The following OVCH1 variants were observed in gnomAD, a reference collection of about 807,000 sequenced individuals.
The protein encoded by OVCH1 is ovochymase 1, also known as ovochymase-1.
In OVCH1, 139 loss-of-function variants were observed where a neutral mutation model predicts 138.4. The ratio of observed to expected loss-of-function variants is 1.00; its 90% CI spans 0.87 to 1.16. The LOEUF is 1.16. Ranked by LOEUF, OVCH1 falls within the 50% of genes most tolerant of loss-of-function variation. The probability of loss-of-function intolerance (pLI) is 0.00; values close to 1 mark genes in which losing one functional copy is unlikely to be tolerated. For missense variants in OVCH1, 1,367 were observed against 1,357.9 expected (o/e 1.01, Z -0.11); for synonymous variants, 453 against 467.8 (o/e 0.97, Z 0.41).
Position 29,439,114 on chromosome 12 carries a change from T to C in OVCH1, c.3264+214A>G, listed in dbSNP as rs564121010. Among the ~76,000 whole-genome samples, 5 of 152,352 alleles carry C rather than the reference T, an allele frequency of 3.3e-5. No individual in the cohort carries two copies. In the South Asian group the frequency reaches 8.3e-4, roughly 25 times the overall value. ...GCCCAGAGATGGCACCAGAAGAATC[T>C]ACATAACAAATCTTTCTAAAGTAAC... On this transcript the variant is annotated intron_variant, in intron 26 of 27. Transcript: ENST00000318184.
intron 5 of OVCH1, among the ~76,000 whole-genome samples, chr12:29,489,977 T>G (rs1277555005): frequency 6.6e-6 from 1 of 152,198 alleles, no homozygotes; most frequent in East Asian, 1.9e-4. Flanking sequence ...TAAGGTAACA[T>G]AGGCAATTGT....
At chr12:29,494,121 G>A (rs544846519) in intron 4 of OVCH1, among the ~76,000 whole-genome samples, 2 of 152,130 alleles carry the variant, frequency 1.3e-5, no homozygotes, top group Non-Finnish European at 2.9e-5. Flanking sequence ...AGACAAGTAA[G>A]TGTCCTTATT....
chr12:29,452,918 C>A (rs572910520), intron 21 of OVCH1, among the ~76,000 whole-genome samples: 1 of 152,276 alleles, frequency 6.6e-6, no homozygotes, highest in Non-Finnish European at 1.5e-5. Context: ...ATAAAACTTT[C>A]AAAGTTTTTG....
Position 29,477,347 on chromosome 12 carries a change from C to A in OVCH1, c.1240G>T (p.Glu414Ter). The A allele has an allele frequency of 6.2e-7, 1 of 1,613,986 alleles. No homozygotes were observed. Among genetic ancestry groups the A allele is most frequent in the Non-Finnish European group, 8.5e-7 (1 of 1,179,870 alleles). ...AAATACCTGAAACACTCACCTGCTT[C>A]TGACTTCTGTACAGCAGTAACGGTA... is the stretch of plus-strand genomic sequence containing the variant. Residue 414 changes from glutamate (E) to a stop codon, truncating the protein, a stop_gained, in exon 11 of 28, where the codon GAA (glutamate) becomes TAA (stop). Transcript: ENST00000318184. LOFTEE classifies it high-confidence loss of function.
downstream of OVCH1, among the ~76,000 whole-genome samples, chr12:29,412,290 T>TCGCG (rs1940970060): frequency 6.6e-6 from 1 of 152,200 alleles, no homozygotes; most frequent in Non-Finnish European, 1.5e-5. Context: ...CTGCTTCGGC[T>TCGCG]CACGCACGGT....
intron 8 of OVCH1, among the ~76,000 whole-genome samples, chr12:29,485,618 CA>C: frequency 6.6e-6 from 1 of 151,858 alleles, no homozygotes; most frequent in East Asian, 1.9e-4. Context: ...ACTAAAAATG[CA>C]AAAAATTAGC....
intron 16 of OVCH1, among the ~76,000 whole-genome samples, chr12:29,470,405 T>C (rs1355426505): frequency 2.0e-5 from 3 of 152,104 alleles, no homozygotes; most frequent in African/African-American, 7.2e-5. Context: ...CCTGTGTTTT[T>C]CCCCTCCCTG....
At chr12:29,431,132 C>G (rs1398412603) in intron 27 of OVCH1, among the ~76,000 whole-genome samples, 1 of 152,074 alleles carries the variant, frequency 6.6e-6, no homozygotes, top group Non-Finnish European at 1.5e-5. Context: ...AAAATAGAGT[C>G]CAAAGGAGGA....
chr12:29,407,914 A>T (rs10843412), downstream of OVCH1, among the ~76,000 whole-genome samples: 40,898 of 142,590 alleles, frequency 0.29, 7,182 homozygotes, highest in Middle Eastern at 0.5. Flanking sequence ...GCCATTTTCA[A>T]GATATTGATT....
At chr12:29,444,233 CTCTGTTTGAACTTTGGGAAAG>C in exon 24 of OVCH1, 5 of 1,612,402 alleles carry the variant, frequency 3.1e-6, no homozygotes, top group Non-Finnish European at 4.2e-6. Flanking sequence ...ACCAAGTGCT[CTCTGTTTGAACTTTGGGAAAG>C]TCTGGTTATT....
At chr12:29,451,070 A>G (rs1229041094) in intron 22 of OVCH1, among the ~76,000 whole-genome samples, 1 of 152,068 alleles carries the variant, frequency 6.6e-6, no homozygotes, top group African/African-American at 2.4e-5. Context: ...AATGTAGATG[A>G]CAGGCTTATA....
chr12:29,496,471 A>G (rs1033237747), intron 2 of OVCH1, 85 bp downstream of exon 2: 4 of 1,299,930 alleles, frequency 3.1e-6, no homozygotes, highest in Non-Finnish European at 3.2e-6. Context: ...GAAAAACTAC[A>G]TATCAACGTG....
intron 20 of OVCH1, 116 bp from the exon 21 acceptor site, chr12:29,455,049 G>A: frequency 1.7e-6 from 2 of 1,159,908 alleles, no homozygotes; most frequent in African/African-American, 3.1e-5. Flanking sequence ...CAGGATTAAA[G>A]CAGCCTAAGG....
Position 29,465,236 on chromosome 12 carries a change from A to G in OVCH1, c.1857-17T>C. On this transcript the variant is annotated splice_polypyrimidine_tract_variant and intron_variant, in intron 16 of 27. Transcript: ENST00000318184. ...TTATTCTTCCTGGAGACAGAAGAAC[A>G]GTGAAAGTTTGACATGAAAACACAT... 1.3e-6 allele frequency: 2 copies of G among 1,575,992 alleles called. No homozygotes were observed. Among genetic ancestry groups the G allele is most frequent in the Middle Eastern group, 1.7e-4 (1 of 5,992 alleles).
intron 23 of OVCH1, 149 bp from the exon 24 acceptor site, chr12:29,444,429 A>G (rs1159625272): frequency 1.2e-6 from 1 of 820,784 alleles, no homozygotes; most frequent in Non-Finnish European, 1.8e-6. Flanking sequence ...TTCACTGAAA[A>G]TTTTCTCCGT....
chr12:29,470,400 G>GA (rs1237427118), intron 16 of OVCH1, among the ~76,000 whole-genome samples: 1 of 151,874 alleles, frequency 6.6e-6, no homozygotes, highest in African/African-American at 2.4e-5. Flanking sequence ...CAACCCCTGT[G>GA]TTTTTCCCCT....
chr12:29,449,901 C>A (rs902279099), intron 22 of OVCH1, among the ~76,000 whole-genome samples: 1 of 152,096 alleles, frequency 6.6e-6, no homozygotes, highest in African/African-American at 2.4e-5. Context: ...CTGACAAAAA[C>A]AAGCAATGAG....
chr12:29,466,361 T>A (rs1173368266), intron 16 of OVCH1, among the ~76,000 whole-genome samples: 2 of 141,088 alleles, frequency 1.4e-5, no homozygotes, highest in Non-Finnish European at 2.9e-5. Context: ...ATAATAAAAA[T>A]CTTTGCAAGA....
chr12:29,467,084 G>A (rs1242736640), intron 16 of OVCH1, among the ~76,000 whole-genome samples: 3 of 151,980 alleles, frequency 2.0e-5, no homozygotes, highest in Non-Finnish European at 4.4e-5. Context: ...GAAGCACTTG[G>A]CAAGTACCTG....
Sources: allele counts gnomAD v4.1 joint callset (sites outside exome capture counted in the v4.1 genomes callset), GRCh38; gene constraint gnomAD v4.1.1; transcripts MANE v1.5; gene names NCBI Gene and HGNC (gene_info 2026-07-23, HGNC 2026-07-21).